The following PDE4D variants were observed in gnomAD, a reference collection of about 807,000 sequenced individuals.
The protein encoded by PDE4D is 3',5'-cyclic-AMP phosphodiesterase 4D.
In PDE4D, 24 loss-of-function variants were observed where a neutral mutation model predicts 87.4. The observed-to-expected ratio is 0.27, with a 90% CI of 0.20 to 0.39. PDE4D has a LOEUF of 0.39. Among genes scored for constraint, PDE4D ranks in the 10% least tolerant of loss-of-function variants. PDE4D has a pLI of 1.00. For synonymous variants in PDE4D, 384 were observed against 383.2 expected (o/e 1.00, Z -0.02); for missense variants, 714 against 1,041.0 (o/e 0.69, Z 4.32).
chr5:59,132,906 A>C (rs1295246378), intron 5 of PDE4D, among the ~76,000 whole-genome samples: 1 of 152,224 alleles, frequency 6.6e-6, no homozygotes, highest in African/African-American at 2.4e-5. Context: ...GTTCTGCTAA[A>C]GGAAGGTCAA....
chr5:60,193,669 C>CAAAAAAAAAAAAAAAAAAAAAAAAAAAAA (rs35340734), intron 1 of PDE4D, among the ~76,000 whole-genome samples: 3 of 46,846 alleles, frequency 6.4e-5, no homozygotes, highest in Non-Finnish European at 8.3e-5. Flanking sequence ...GACTCCGTCT[C>CAAAAAAAAAAAAAAAAAAAAAAAAAAAAA]AAAAAAAAAA....
chr5:59,152,642 G>A (rs1779624079), intron 5 of PDE4D, among the ~76,000 whole-genome samples: 1 of 152,040 alleles, frequency 6.6e-6, no homozygotes, highest in Non-Finnish European at 1.5e-5. Context: ...TTACTGTATT[G>A]ACTAGGTCGT....
chr5:59,048,653 C>T (rs1186857660), intron 5 of PDE4D, among the ~76,000 whole-genome samples: 1 of 152,144 alleles, frequency 6.6e-6, no homozygotes, highest in Non-Finnish European at 1.5e-5. Flanking sequence ...CTCAACTGTT[C>T]TTCAGGGGTA....
At chr5:60,059,692 G>T (rs1284737226) in intron 2 of PDE4D, among the ~76,000 whole-genome samples, 1 of 151,826 alleles carries the variant, frequency 6.6e-6, no homozygotes. Context: ...AGTGACATGG[G>T]GAACTGACAA....
At chr5:59,143,977 C>T (rs1331719686) in intron 5 of PDE4D, among the ~76,000 whole-genome samples, 2 of 152,174 alleles carry the variant, frequency 1.3e-5, no homozygotes, top group Non-Finnish European at 2.9e-5. Context: ...CAGAATAAGG[C>T]AAAGGTACTT....
chr5:59,373,862 T>A (rs1175517578), intron 1 of PDE4D, among the ~76,000 whole-genome samples: 1 of 152,194 alleles, frequency 6.6e-6, no homozygotes, highest in Non-Finnish European at 1.5e-5. Context: ...CAGAAAAGAT[T>A]GAGGGCCAAT....
chr5:59,513,093 G>T (rs948279734), intron 1 of PDE4D, among the ~76,000 whole-genome samples: 1 of 151,952 alleles, frequency 6.6e-6, no homozygotes, highest in Admixed American at 6.6e-5. Flanking sequence ...AAATATAGAG[G>T]TTTTTCATGC....
At chr5:59,401,239 G>A (rs1790560367) in intron 1 of PDE4D, among the ~76,000 whole-genome samples, 1 of 152,174 alleles carries the variant, frequency 6.6e-6, no homozygotes, top group Non-Finnish European at 1.5e-5. Flanking sequence ...GAGAAGAGGA[G>A]TTCAAGACCA....
At position 60,242,614 on chromosome 5, in the gene PDE4D, T is replaced by C. The variant is rs904611898; in HGVS notation, c.-89-56927A>G. Among the ~76,000 whole-genome samples the C allele has an allele frequency of 5.9e-5, 9 of 152,108 alleles. No homozygotes were observed. The East Asian group carries it at 1.4e-3, about 23-fold the overall frequency. Reference sequence around the variant, plus strand: ...ACAAGTTTTAAAACATTCAAAAAATTTGAAATAATATCAACTATCTCCTCC... The same window carrying C: ...ACAAGTTTTAAAACATTCAAAAAATCTGAAATAATATCAACTATCTCCTCC... On this transcript the variant is annotated intron_variant, in intron 1 of 16. Transcript: ENST00000502484.
At chr5:59,698,675 G>T (rs1409405396) in intron 1 of PDE4D, among the ~76,000 whole-genome samples, 1 of 152,130 alleles carries the variant, frequency 6.6e-6, no homozygotes, top group Non-Finnish European at 1.5e-5. Context: ...GAATTTGCGT[G>T]ACAGTCCCAA....
At chr5:59,498,336 T>C (rs1807607269) in intron 1 of PDE4D, among the ~76,000 whole-genome samples, 1 of 150,940 alleles carries the variant, frequency 6.6e-6, no homozygotes, top group South Asian at 2.1e-4. Context: ...ATATTAACTT[T>C]TGCATAGTCA....
intron 5 of PDE4D, among the ~76,000 whole-genome samples, chr5:59,150,413 T>C (rs1170574673): frequency 1.3e-5 from 2 of 152,132 alleles, no homozygotes; most frequent in African/African-American, 4.8e-5. Flanking sequence ...TGGGCTTCCA[T>C]TCTTATAGAA....
At chr5:59,832,496 A>C (rs1741393033) in intron 1 of PDE4D, among the ~76,000 whole-genome samples, 1 of 152,122 alleles carries the variant, frequency 6.6e-6, no homozygotes, top group African/African-American at 2.4e-5. Context: ...ACACTGCCTA[A>C]ACCAGCAATG....
intron 1 of PDE4D, among the ~76,000 whole-genome samples, chr5:60,329,160 T>G (rs909075862): frequency 6.6e-6 from 1 of 152,140 alleles, no homozygotes; most frequent in African/African-American, 2.4e-5. Flanking sequence ...TTTAGTGGTG[T>G]CCCCACCCAA....
chr5:60,114,939 TACATGGATGGATGGATGGATG>T (rs1156921843), intron 2 of PDE4D, among the ~76,000 whole-genome samples: 1 of 146,224 alleles, frequency 6.8e-6, no homozygotes, highest in Non-Finnish European at 1.5e-5. Context: ...ATTAGATAGA[TACATGGATGGATGGATGGATG>T]GATGGATGGA....
chr5:58,975,856 C>T lies in PDE4D; in HGVS notation c.1831-17G>A. The T allele has an allele frequency of 7.1e-7, 1 of 1,398,982 alleles. No homozygotes were observed. Among genetic ancestry groups the T allele is most frequent in the Non-Finnish European group, 9.4e-7 (1 of 1,059,446 alleles). The allele number at this position is 1,398,982 out of a possible 1,614,324, so 86.7% of individuals were successfully genotyped here. ...CTGAAGAACCTAAAATAGATGGATG[C>T]ATTCTCTATTCACTCCTGTTCCTTT... On this transcript the variant is annotated splice_polypyrimidine_tract_variant and intron_variant, in intron 13 of 14. Coordinates refer to ENST00000340635, the MANE Select transcript of PDE4D (RefSeq NM_001104631.2). This position sits in a 1 kb window ranked among gnomAD's most constrained non-coding sequence, Gnocchi z 4.2.
At chr5:60,333,877 G>A (rs1039306478) in intron 1 of PDE4D, among the ~76,000 whole-genome samples, 5 of 152,036 alleles carry the variant, frequency 3.3e-5, no homozygotes, top group Admixed American at 2.0e-4. Context: ...AGGAAAAGGA[G>A]AGAAAAGAGA....
At chr5:59,350,700 G>A (rs1250765461) in intron 1 of PDE4D, among the ~76,000 whole-genome samples, 1 of 152,166 alleles carries the variant, frequency 6.6e-6, no homozygotes, top group Non-Finnish European at 1.5e-5. Flanking sequence ...ATTAATAATA[G>A]CTGACATTTA....
At chr5:59,722,222 C>A (rs555963805) in intron 1 of PDE4D, among the ~76,000 whole-genome samples, 1 of 152,300 alleles carries the variant, frequency 6.6e-6, no homozygotes, top group African/African-American at 2.4e-5. Context: ...TAGGACAATG[C>A]CAAAAATGGC....
Sources: allele counts gnomAD v4.1 joint callset (sites outside exome capture counted in the v4.1 genomes callset), GRCh38; gene constraint gnomAD v4.1.1; non-coding constraint Gnocchi (gnomAD v3.1); transcripts MANE v1.5; gene names NCBI Gene and HGNC (gene_info 2026-07-23, HGNC 2026-07-21).